SPTAN1: variants seen among roughly 807,000 people sequenced by gnomAD.
SPTAN1 encodes the protein spectrin alpha, non-erythrocytic 1.
In SPTAN1, 61 loss-of-function variants were observed where a neutral mutation model predicts 331.3. The observed-to-expected ratio is 0.18, with a 90% CI of 0.15 to 0.23. The LOEUF is 0.23. SPTAN1 is among the 10% of genes least tolerant of loss of function. The probability of loss-of-function intolerance (pLI) is 1.00; values close to 1 mark genes in which losing one functional copy is unlikely to be tolerated. For synonymous variants in SPTAN1, 1,153 were observed against 1,173.9 expected (o/e 0.98, Z 0.36); for missense variants, 2,043 against 3,147.9 (o/e 0.65, Z 8.40).
Position 128,577,327 on chromosome 9 carries a change from T to C in SPTAN1, c.931-25T>C. 1 of 1,614,178 alleles carries C rather than the reference T, an allele frequency of 6.2e-7. No individual in the cohort carries two copies. Among genetic ancestry groups the C allele is most frequent in the Non-Finnish European group, 8.5e-7 (1 of 1,180,022 alleles). On this transcript the variant is annotated intron_variant, in intron 7 of 56. Coordinates refer to ENST00000372739, the MANE Select transcript of SPTAN1 (RefSeq NM_001130438.3). This position sits in a 1 kb window ranked among gnomAD's most constrained non-coding sequence, Gnocchi z 4.2. Reference sequence around the variant, plus strand: ...AATAAGTTACCAAGGGTCAGGAGAATAGTTCTGACGGAGTTCATTTCTAGG... The same window carrying C: ...AATAAGTTACCAAGGGTCAGGAGAACAGTTCTGACGGAGTTCATTTCTAGG...
intron 41 of SPTAN1, among the ~76,000 whole-genome samples, chr9:128,616,451 AAG>A (rs1658720249): frequency 2.0e-5 from 3 of 151,246 alleles, no homozygotes; most frequent in Non-Finnish European, 2.9e-5. Flanking sequence ...GTAAGGAATT[AAG>A]AGAGAGGATT....
chr9:128,585,006 CCT>C, intron 18 of SPTAN1, among the ~76,000 whole-genome samples, 163 bp downstream of exon 18: 2 of 149,668 alleles, frequency 1.3e-5, no homozygotes, highest in Non-Finnish European at 2.9e-5. Flanking sequence ...CCTTTCTGAG[CCT>C]GAATTTCTTT....
At chr9:128,628,715 C>A (rs1859183312) in intron 51 of SPTAN1, 1 of 166,532 alleles carries the variant, frequency 6.0e-6, no homozygotes, top group Non-Finnish European at 1.3e-5. Context: ...GCACATCAAG[C>A]CTGTATAGGC....
At chr9:128,567,765 C>CT (rs988629387) in intron 2 of SPTAN1, among the ~76,000 whole-genome samples, 292 of 147,002 alleles carry the variant, frequency 2.0e-3, no homozygotes, top group African/African-American at 5.4e-3. Context: ...ATATTTAAAA[C>CT]TTTTTTTTTT....
chr9:128,594,280 C>T lies in SPTAN1; in HGVS notation c.3321C>T (p.Ile1107=). 6.2e-7 allele frequency: 1 copy of T among 1,614,030 alleles called. No individual in the cohort carries two copies. The highest frequency in any genetic ancestry group is 8.5e-7 in the Non-Finnish European group (1 of 1,180,028). The change falls in exon 24 of 57, where the codon ATC becomes ATT. Residue 1107 remains isoleucine (I), a synonymous_variant. Transcript: ENST00000372739. ...AAGCGAATGAACTACAGCAATGGAT[C>T]AATGAGAAGGAAGCCGCTCTGACAA... is the stretch of plus-strand genomic sequence containing the variant. ...FREANELQQW[I]NEKEAALTSE...
chr9:128,608,590 A>T (rs1317836153), intron 34 of SPTAN1, among the ~76,000 whole-genome samples: 1 of 152,194 alleles, frequency 6.6e-6, no homozygotes, highest in African/African-American at 2.4e-5. Context: ...ATCTGACAGC[A>T]TTTTCCTATT....
intron 24 of SPTAN1, among the ~76,000 whole-genome samples, chr9:128,597,348 T>C (rs1854447785): frequency 6.6e-6 from 1 of 152,028 alleles, no homozygotes; most frequent in Non-Finnish European, 1.5e-5. Context: ...AAAGAGGTTT[T>C]AAAAAAGTCT....
chr9:128,598,129 G>A (rs1854562483), intron 24 of SPTAN1, among the ~76,000 whole-genome samples: 1 of 151,708 alleles, frequency 6.6e-6, no homozygotes, highest in African/African-American at 2.4e-5. Flanking sequence ...TGTATTTTCA[G>A]TAGGGACAGG....
intron 3 of SPTAN1, among the ~76,000 whole-genome samples, chr9:128,572,914 AC>A (rs1343127462): frequency 6.6e-6 from 1 of 152,118 alleles, no homozygotes; most frequent in Non-Finnish European, 1.5e-5. Context: ...AGTTTTGCCA[AC>A]AGTGGTGGAA....
intron 11 of SPTAN1, 98 bp downstream of exon 11, chr9:128,581,157 C>G: frequency 6.7e-7 from 1 of 1,501,740 alleles, no homozygotes; most frequent in Non-Finnish European, 9.1e-7. Context: ...ACATCAGTAC[C>G]ATGTTAGTTC....
chr9:128,563,916 A>G (rs1849702036), intron 1 of SPTAN1, among the ~76,000 whole-genome samples: 1 of 151,968 alleles, frequency 6.6e-6, no homozygotes, highest in African/African-American at 2.4e-5. Flanking sequence ...GGGATTGCAG[A>G]TGTGAGCCAT....
At position 128,627,146 on chromosome 9, in the gene SPTAN1, C is replaced by T. The variant is rs767495066; in HGVS notation, c.6577-240C>T. The T allele has an allele frequency of 1.6e-6, 1 of 622,518 alleles. No individual in the cohort carries two copies. The highest frequency in any genetic ancestry group is 3.0e-6 in the Non-Finnish European group (1 of 335,640). The allele number at this position is 622,518 out of a possible 1,614,324, so 38.6% of individuals were successfully genotyped here. ...CCATTTCTGACAGTCCAGCAACTCC[C>T]TGCTTGACTGACCAGTCGCTTCCCT... is the stretch of plus-strand genomic sequence containing the variant. On this transcript the variant is annotated intron_variant, in intron 49 of 56. Transcript: ENST00000372739. The surrounding 1 kb of genome is among the most constrained non-coding windows in gnomAD (Gnocchi z 4.9).
chr9:128,615,286 A>G (rs1857023334), intron 40 of SPTAN1, among the ~76,000 whole-genome samples: 1 of 152,112 alleles, frequency 6.6e-6, no homozygotes, highest in Non-Finnish European at 1.5e-5. Context: ...TGCCTTTTTA[A>G]GGACATTTTT....
intron 2 of SPTAN1, among the ~76,000 whole-genome samples, chr9:128,568,344 G>GA (rs1850275228): frequency 6.6e-6 from 1 of 152,190 alleles, no homozygotes. Flanking sequence ...GCAAGTGAAA[G>GA]AAAGTCTCAT....
Position 128,609,252 on chromosome 9 carries a change from G to C in SPTAN1, c.4726G>C (p.Asp1576His), listed in dbSNP as rs1856296158. 6.2e-7 allele frequency: 1 copy of C among 1,614,248 alleles called. No individual in the cohort carries two copies. The highest frequency in any genetic ancestry group is 2.2e-5 in the East Asian group (1 of 44,892). Residue 1576 changes from aspartate to histidine, a missense_variant, in exon 36 of 57, where the codon GAT becomes CAT. Physicochemically the swap from Asp to His is moderately conservative, Grantham distance 81 (BLOSUM62 -1). Transcript: ENST00000372739. Reference protein sequence around the residue: ...WISEKLQTASDESYKDPTNIQ... With the variant: ...WISEKLQTASHESYKDPTNIQ... Reference sequence around the variant, plus strand: ...CAGTGAAAAATTGCAAACAGCGAGTGATGAGTCGTACAAGGATCCCACCAA... The same window carrying C: ...CAGTGAAAAATTGCAAACAGCGAGTCATGAGTCGTACAAGGATCCCACCAA...
chr9:128,572,111 C>T (rs1026852079), intron 3 of SPTAN1, among the ~76,000 whole-genome samples: 34 of 152,216 alleles, frequency 2.2e-4, no homozygotes, highest in African/African-American at 7.0e-4. Context: ...CCGCCTGCCT[C>T]GGCCTCCCAA....
chr9:128,582,466 TCTTC>T lies in SPTAN1; in HGVS notation c.1573-6_1573-3del, dbSNP rs758557229. 18 of 1,613,902 alleles carry T rather than the reference TCTTC, an allele frequency of 1.1e-5. No individual in the cohort carries two copies. In the African/African-American group the frequency reaches 2.4e-4, roughly 22 times the overall value. On this transcript the variant is annotated splice_polypyrimidine_tract_variant and intron_variant, in intron 12 of 56. Coordinates refer to ENST00000372739, the MANE Select transcript of SPTAN1 (RefSeq NM_001130438.3). Reference sequence around the variant, plus strand: ...TGTGCTTACCAATGAAGAACTCTTATCTTCCTTCCTAGGCATTAGATGAATTTGC... The same window carrying T: ...TGTGCTTACCAATGAAGAACTCTTATCTTCCTAGGCATTAGATGAATTTGC...
In SPTAN1 at chr9:128,582,544, T is replaced by C; in HGVS notation, c.1638T>C (p.Thr546=). 1 of 1,613,960 alleles carries C rather than the reference T, an allele frequency of 6.2e-7. No homozygotes were observed. Among genetic ancestry groups the C allele is most frequent in the Non-Finnish European group, 8.5e-7 (1 of 1,180,032 alleles). The change falls in exon 13 of 57, where the codon ACT becomes ACC. Residue 546 remains threonine (T), a synonymous_variant. Transcript: ENST00000372739. ...NNHYAMEDVA[T]RRDALLSRRN... is the part of the protein sequence containing the mutation. ...ACTATGCAATGGAAGATGTGGCCAC[T>C]CGCCGAGATGCTGTAAGTTTGTAGG...
rs899123152 is a variant in SPTAN1, at chr9:128,617,799, T to A, written c.5478+39T>A. On this transcript the variant is annotated intron_variant, in intron 42 of 56. Transcript: ENST00000372739. Reference sequence around the variant, plus strand: ...CTTCTGGCCAAGAGGGCAGAGGTGTTTGAGTGGGCCCCAGGGGACAGACAA... The same window carrying A: ...CTTCTGGCCAAGAGGGCAGAGGTGTATGAGTGGGCCCCAGGGGACAGACAA... The A allele has an allele frequency of 9.3e-6, 15 of 1,612,794 alleles. No individual in the cohort carries two copies. In the Admixed American group the frequency reaches 1.2e-4, roughly 13 times the overall value.
Sources: gnomAD v4.1 joint callset for allele counts (sites outside exome capture counted in the v4.1 genomes callset) on GRCh38, gnomAD v4.1.1 for gene constraint, Gnocchi (gnomAD v3.1) non-coding constraint, MANE v1.5 for transcripts, NCBI Gene and HGNC (gene_info 2026-07-23, HGNC 2026-07-21) for gene names.